The following CSMD1 variants were observed in gnomAD, a reference collection of about 807,000 sequenced individuals.
The protein encoded by CSMD1 is CUB and Sushi multiple domains 1, also known as CUB and sushi domain-containing protein 1.
In CSMD1, 213 loss-of-function variants were observed where a neutral mutation model predicts 417.5. The ratio of observed to expected loss-of-function variants is 0.51; its 90% CI spans 0.46 to 0.57. CSMD1 has a LOEUF of 0.57. CSMD1 is among the 20% of genes least tolerant of loss of function. CSMD1 has a pLI of 0.00. For missense variants in CSMD1, 6,923 were observed against 4,529.7 expected (o/e 1.53, Z -15.17); for synonymous variants, 2,862 against 1,736.8 (o/e 1.65, Z -16.11).
chr8:3,400,743 A>T (rs1175814705), intron 15 of CSMD1, among the ~76,000 whole-genome samples: 1 of 151,774 alleles, frequency 6.6e-6, no homozygotes, highest in Non-Finnish European at 1.5e-5. Context: ...CGGCAGTGGA[A>T]ATTAAAAACA....
intron 2 of CSMD1, among the ~76,000 whole-genome samples, chr8:4,520,742 T>A (rs975425498): frequency 2.0e-5 from 3 of 152,210 alleles, no homozygotes; most frequent in African/African-American, 7.2e-5. Flanking sequence ...TTAACTCTAA[T>A]TGAATTAAAT....
chr8:3,096,624 G>A (rs1355199324), intron 47 of CSMD1, among the ~76,000 whole-genome samples: 2 of 152,120 alleles, frequency 1.3e-5, no homozygotes, highest in African/African-American at 4.8e-5. Context: ...TTTATCAGCA[G>A]CATGAAAATG....
At chr8:4,216,431 G>A (rs922644648) in intron 3 of CSMD1, among the ~76,000 whole-genome samples, 13 of 152,238 alleles carry the variant, frequency 8.5e-5, no homozygotes, top group African/African-American at 3.1e-4. Context: ...CTTATTTGAA[G>A]TTCCTAAGTA....
At chr8:3,478,790 G>C (rs968571195) in intron 11 of CSMD1, among the ~76,000 whole-genome samples, 3 of 152,188 alleles carry the variant, frequency 2.0e-5, no homozygotes, top group Non-Finnish European at 4.4e-5. Flanking sequence ...TGTGGTCCCA[G>C]GGCTGCCTTG....
At chr8:3,479,335 C>A (rs1238276223) in intron 11 of CSMD1, among the ~76,000 whole-genome samples, 2 of 152,128 alleles carry the variant, frequency 1.3e-5, no homozygotes, top group Non-Finnish European at 2.9e-5. Context: ...GGCTGGAGTG[C>A]AGTGGCATGA....
At chr8:3,283,290 A>G (rs541307302) in intron 26 of CSMD1, among the ~76,000 whole-genome samples, 15 of 152,122 alleles carry the variant, frequency 9.9e-5, no homozygotes, top group African/African-American at 3.6e-4. Flanking sequence ...ACATAAAGAA[A>G]GTGTCAGACT....
At chr8:3,818,864 C>G (rs910118519) in intron 5 of CSMD1, among the ~76,000 whole-genome samples, 5 of 152,170 alleles carry the variant, frequency 3.3e-5, no homozygotes, top group African/African-American at 1.2e-4. Context: ...GATTTAACAG[C>G]CTTGCTCACA....
rs754072552 is a variant in CSMD1 at position 4,243,228 on chromosome 8, C to T, written c.415+176725G>A. ...CAGAGCGATTGGCTATTAGGAGAGTCAGGAAAGGGGAGATCACCAGCTCAG... is the reference window on the plus strand; with the variant it reads ...CAGAGCGATTGGCTATTAGGAGAGTTAGGAAAGGGGAGATCACCAGCTCAG... On this transcript the variant is annotated intron_variant, in intron 3 of 69. Coordinates refer to ENST00000635120, the MANE Select transcript of CSMD1 (RefSeq NM_033225.6). Among the ~76,000 whole-genome samples, 52 of 151,540 alleles carry T rather than the reference C, an allele frequency of 3.4e-4. 1 individual carries two copies. The highest frequency in any genetic ancestry group is 1.2e-4 in the African/African-American group (5 of 40,894).
At chr8:4,767,446 G>C (rs189423753) in intron 1 of CSMD1, among the ~76,000 whole-genome samples, 3 of 152,078 alleles carry the variant, frequency 2.0e-5, no homozygotes, top group Admixed American at 1.3e-4. Context: ...GACCAATCCC[G>C]CACATAGCTC....
intron 3 of CSMD1, among the ~76,000 whole-genome samples, chr8:4,077,275 T>C (rs2552138): frequency 0.2 from 21,920 of 108,086 alleles, 1,863 homozygotes; most frequent in South Asian, 0.41. Flanking sequence ...AGCCCATTTG[T>C]CACCTATATA....
intron 8 of CSMD1, among the ~76,000 whole-genome samples, chr8:3,615,112 C>T (rs1465211212): frequency 1.3e-5 from 2 of 152,118 alleles, no homozygotes; most frequent in Non-Finnish European, 2.9e-5. Flanking sequence ...AACCAGCATC[C>T]TTCTGTTAGC....
Position 3,308,475 on chromosome 8 carries a change from C to T in CSMD1, c.3660G>A (p.Pro1220=), listed in dbSNP as rs181192444. ...TCCTATAGCCGTAGTTAGGGATGCC[C>T]GGATCCTCACATTTTACCAGATCAA... ...TSFDLVKCED[P]GIPNYGYRIR... The change falls in exon 24 of 70, where the codon CCG becomes CCA. Residue 1220 remains proline, a synonymous_variant. Transcript: ENST00000635120. 32 of 1,612,832 alleles carry T rather than the reference C, an allele frequency of 2.0e-5. No individual in the cohort carries two copies. Among genetic ancestry groups the T allele is most frequent in the East Asian group, 6.7e-5 (3 of 44,772 alleles).
chr8:3,539,572 A>T (rs376644577), intron 10 of CSMD1, among the ~76,000 whole-genome samples: 66 of 152,254 alleles, frequency 4.3e-4, no homozygotes, highest in African/African-American at 1.6e-3. Flanking sequence ...CAGAAGTTGT[A>T]ACACTTCGCC....
chr8:4,397,700 A>T (rs1381925616), intron 3 of CSMD1, among the ~76,000 whole-genome samples: 1 of 152,028 alleles, frequency 6.6e-6, no homozygotes, highest in Non-Finnish European at 1.5e-5. Context: ...TATTAATAAG[A>T]TTTCAAATTA....
chr8:3,956,634 T>A (rs1217419609), intron 5 of CSMD1, among the ~76,000 whole-genome samples: 1 of 152,248 alleles, frequency 6.6e-6, no homozygotes, highest in Non-Finnish European at 1.5e-5. Context: ...TAAAATGTTG[T>A]TATTTTCATT....
At chr8:4,782,362 C>T (rs886431773) in intron 1 of CSMD1, among the ~76,000 whole-genome samples, 2 of 152,078 alleles carry the variant, frequency 1.3e-5, no homozygotes, top group Non-Finnish European at 2.9e-5. Context: ...ACTGATTATA[C>T]CCCATAAATA....
intron 1 of CSMD1, among the ~76,000 whole-genome samples, chr8:4,645,508 A>G (rs1031519375): frequency 1.3e-5 from 2 of 151,516 alleles, no homozygotes; most frequent in East Asian, 1.9e-4. Flanking sequence ...CAAATCTAAA[A>G]TATGATTAAT....
rs568372611 is a variant in CSMD1 at position 3,343,551 on chromosome 8, C to T, written c.3475-101G>A. The T allele has an allele frequency of 8.8e-6, 9 of 1,021,126 alleles. No homozygotes were observed. In the African/African-American group the frequency reaches 1.3e-4, roughly 15 times the overall value. 63.3% of individuals were successfully genotyped at this position (1,021,126 alleles called of 1,614,324 possible). ...AAATCTTCAAAGATGCAGTTTTAAA[C>T]AATACTTAAAAAGGCATATAGTTTA... On this transcript the variant is annotated intron_variant, in intron 22 of 69. Coordinates refer to ENST00000635120, the MANE Select transcript of CSMD1 (RefSeq NM_033225.6).
intron 1 of CSMD1, among the ~76,000 whole-genome samples, chr8:4,840,347 A>G (rs564493493): frequency 5.9e-5 from 9 of 152,350 alleles, no homozygotes; most frequent in Admixed American, 1.3e-4. Flanking sequence ...CTGTAATGCA[A>G]TGATGATAAC....
Sources: gnomAD v4.1 joint callset for allele counts (sites outside exome capture counted in the v4.1 genomes callset) on GRCh38, gnomAD v4.1.1 for gene constraint, MANE v1.5 for transcripts, NCBI Gene and HGNC (gene_info 2026-07-23, HGNC 2026-07-21) for gene names.